The following AFF2 variants were observed in gnomAD, a reference collection of about 807,000 sequenced individuals.
AFF2 encodes ALF transcription elongation factor 2, also known as AF4/FMR2 family member 2.
A neutral mutation model predicts 76.9 loss-of-function variants in AFF2; 14 were observed. The observed-to-expected ratio is 0.18, with a 90% CI of 0.12 to 0.28. AFF2 has a LOEUF of 0.28. Ranked by LOEUF, AFF2 falls within the 10% of genes least tolerant of loss-of-function variation. The pLI, the probability that AFF2 is intolerant of heterozygous loss-of-function variation, is 1.00. For missense variants in AFF2, 868 were observed against 1,001.1 expected, an observed-to-expected ratio of 0.87 and a Z score of 1.79; for synonymous variants, 398 against 366.7, an observed-to-expected ratio of 1.09 and a Z score of -0.98.
chrX:148,708,636 C>A (rs1557262611), intron 3 of AFF2, among the ~76,000 whole-genome samples: 1 of 112,214 alleles, frequency 8.9e-6, no homozygotes, highest in East Asian at 2.8e-4. Flanking sequence ...ATCACTTGAA[C>A]CTGGGAGGCG....
chrX:148,569,568 C>A (rs1189330826), intron 1 of AFF2, among the ~76,000 whole-genome samples: 2 of 111,130 alleles, frequency 1.8e-5, no homozygotes, highest in African/African-American at 6.5e-5. Context: ...CTATCAAATT[C>A]TTCTATTAAT....
chrX:148,529,150 G>T (rs1434278654), intron 1 of AFF2, among the ~76,000 whole-genome samples: 1 of 111,858 alleles, frequency 8.9e-6, no homozygotes, highest in African/African-American at 3.2e-5. Context: ...TACTCCAAGG[G>T]TGCTAATGGA....
intron 7 of AFF2, among the ~76,000 whole-genome samples, chrX:148,856,447 T>A (rs1420227881): frequency 9.0e-6 from 1 of 111,444 alleles, no homozygotes; most frequent in Non-Finnish European, 1.9e-5. Context: ...ATTCATTACT[T>A]GAACTTATGT....
At position 148,580,029 on chromosome X, in the gene AFF2, T is replaced by C. The variant is rs936738126; in HGVS notation, c.48-71970T>C. Among the ~76,000 whole-genome samples, 6 of 111,787 alleles carry C rather than the reference T, an allele frequency of 5.4e-5. No homozygotes were observed. The Admixed American group carries it at 5.7e-4, about 11-fold the overall frequency. ...TAGTGCATGATTTTTAGAGATAACATGTAACTTTGCAACCCTCTCTGCTGC... is the reference window on the plus strand; with the variant it reads ...TAGTGCATGATTTTTAGAGATAACACGTAACTTTGCAACCCTCTCTGCTGC... On this transcript the variant is annotated intron_variant, in intron 1 of 20. Transcript: ENST00000370460.
chrX:148,652,389 G>A (rs1460598733), intron 2 of AFF2, among the ~76,000 whole-genome samples: 1 of 111,489 alleles, frequency 9.0e-6, no homozygotes, highest in East Asian at 2.8e-4. Context: ...GCCCCTCTCT[G>A]CCCAACACTT....
At chrX:148,716,310 A>C (rs1297419908) in intron 3 of AFF2, among the ~76,000 whole-genome samples, 1 of 111,552 alleles carries the variant, frequency 9.0e-6, no homozygotes, top group East Asian at 2.8e-4. Context: ...ACAGTGCTAC[A>C]CTTAACACAT....
At chrX:148,952,826 G>C (rs1237392821) in intron 9 of AFF2, among the ~76,000 whole-genome samples, 1 of 111,886 alleles carries the variant, frequency 8.9e-6, no homozygotes, top group Non-Finnish European at 1.9e-5. Flanking sequence ...GTTACAAAGA[G>C]GTTATAAAAA....
intron 4 of AFF2, among the ~76,000 whole-genome samples, chrX:148,833,822 A>G (rs1371996691): frequency 1.8e-5 from 2 of 111,221 alleles, no homozygotes; most frequent in African/African-American, 6.6e-5. Context: ...GAGAGATACA[A>G]AGGTGAATAA....
chrX:148,754,386 C>CT (rs1294946701), intron 3 of AFF2, among the ~76,000 whole-genome samples: 129 of 104,515 alleles, frequency 1.2e-3, no homozygotes, highest in East Asian at 4.2e-3. Context: ...TTTTTAAAGT[C>CT]TTTTTTTTTT....
chrX:148,907,840 G>A (rs1181116277), intron 9 of AFF2, among the ~76,000 whole-genome samples: 20 of 110,897 alleles, frequency 1.8e-4, no homozygotes, highest in African/African-American at 3.9e-4. Flanking sequence ...GAATTTCCTC[G>A]TCCTAATAAG....
At chrX:148,682,623 T>TGGAC (rs781816837) in intron 3 of AFF2, among the ~76,000 whole-genome samples, 7 of 107,083 alleles carry the variant, frequency 6.5e-5, no homozygotes, top group East Asian at 2.9e-4. Flanking sequence ...GATGGATGGA[T>TGGAC]GGACATTTCA....
At chrX:148,782,766 A>G (rs781914450) in intron 3 of AFF2, among the ~76,000 whole-genome samples, 5 of 111,914 alleles carry the variant, frequency 4.5e-5, no homozygotes, top group Non-Finnish European at 9.4e-5. Context: ...CATTTAATGT[A>G]GTTATACGTG....
In AFF2 at chrX:148,997,351, AT is replaced by A. The variant is rs1278773766; in HGVS notation, c.*6020del. On this transcript the variant is annotated 3_prime_UTR_variant, in exon 21 of 21. Transcript: ENST00000370460. Reference sequence around the variant, plus strand: ...AAATTTTTAAATTAGGCCTCCACACATAAATCATTTTGAAAGTAGAATAGAA... The same window carrying A: ...AAATTTTTAAATTAGGCCTCCACACAAAATCATTTTGAAAGTAGAATAGAA... 3 of 110,145 alleles carry A rather than the reference AT, an allele frequency of 2.7e-5. No individual in the cohort carries two copies. Among genetic ancestry groups the A allele is most frequent in the African/African-American group, 1.0e-4 (3 of 28,969 alleles). 9.1% of individuals were successfully genotyped at this position (110,145 alleles called of 1,213,427 possible).
At chrX:148,796,728 AT>A (rs1238885034) in intron 3 of AFF2, among the ~76,000 whole-genome samples, 3 of 112,185 alleles carry the variant, frequency 2.7e-5, no homozygotes, top group Non-Finnish European at 3.8e-5. Context: ...GTATTGCCAA[AT>A]CTTGATTAAA....
At chrX:148,664,549 T>C (rs2054339266) in intron 3 of AFF2, among the ~76,000 whole-genome samples, 1 of 111,646 alleles carries the variant, frequency 9.0e-6, no homozygotes, top group African/African-American at 3.3e-5. Context: ...TTGGCTCCTC[T>C]AGCACCTTCT....
intron 11 of AFF2, among the ~76,000 whole-genome samples, chrX:148,957,981 A>G (rs1277850893): frequency 8.9e-6 from 1 of 112,470 alleles, no homozygotes; most frequent in Admixed American, 9.4e-5. Context: ...TCAAGTTACA[A>G]TGTTAGTTTC....
At chrX:148,558,572 A>G (rs1207273054) in intron 1 of AFF2, among the ~76,000 whole-genome samples, 2 of 111,784 alleles carry the variant, frequency 1.8e-5, no homozygotes, top group African/African-American at 3.3e-5. Context: ...AATAGAGAGT[A>G]CGTATGCTCT....
intron 1 of AFF2, among the ~76,000 whole-genome samples, chrX:148,623,230 C>T (rs1557251489): frequency 9.0e-6 from 1 of 111,600 alleles, no homozygotes; most frequent in East Asian, 2.8e-4. Flanking sequence ...GAAGTGTTCT[C>T]TTTGCTCTAA....
intron 8 of AFF2, among the ~76,000 whole-genome samples, chrX:148,886,969 A>C (rs2071166863): frequency 8.9e-6 from 1 of 112,782 alleles, no homozygotes; most frequent in Non-Finnish European, 1.9e-5. Flanking sequence ...CAGCTACTCT[A>C]TTCTCATCTA....
Sources: allele counts gnomAD v4.1 joint callset (sites outside exome capture counted in the v4.1 genomes callset), GRCh38; gene constraint gnomAD v4.1.1; transcripts MANE v1.5; gene names NCBI Gene and HGNC (gene_info 2026-07-23, HGNC 2026-07-21).